SLC44A5: variants seen among roughly 807,000 people sequenced by gnomAD.
The protein encoded by SLC44A5 is choline transporter-like protein 5.
In SLC44A5, 57 loss-of-function variants were observed where a neutral mutation model predicts 101.8. The ratio of observed to expected loss-of-function variants is 0.56; its 90% confidence interval spans 0.45 to 0.70. SLC44A5 has a LOEUF of 0.70. Ranked by LOEUF, SLC44A5 falls within the 30% of genes least tolerant of loss-of-function variation. The pLI is 0.00. For synonymous variants in SLC44A5, 281 were observed against 290.9 expected (o/e 0.97, Z 0.35); for missense variants, 737 against 853.1 (o/e 0.86, Z 1.70).
At chr1:75,547,513 T>C (rs1435517906) in intron 1 of SLC44A5, among the ~76,000 whole-genome samples, 1 of 152,092 alleles carries the variant, frequency 6.6e-6, no homozygotes, top group East Asian at 1.9e-4. Context: ...TACCAAGAGG[T>C]GTAAGTGGTC....
chr1:75,230,101 A>C (rs1250221514), intron 12 of SLC44A5, among the ~76,000 whole-genome samples: 2 of 152,160 alleles, frequency 1.3e-5, no homozygotes, highest in Non-Finnish European at 2.9e-5. Flanking sequence ...TTTGCTGTTT[A>C]GCTTATCAAT....
At chr1:75,504,434 T>A (rs917967668) in intron 2 of SLC44A5, among the ~76,000 whole-genome samples, 3 of 152,108 alleles carry the variant, frequency 2.0e-5, no homozygotes, top group Non-Finnish European at 4.4e-5. Flanking sequence ...CATATAATGA[T>A]GTGTATATTT....
intron 2 of SLC44A5, among the ~76,000 whole-genome samples, chr1:75,442,907 T>A (rs1665290739): frequency 6.6e-6 from 1 of 152,192 alleles, no homozygotes; most frequent in African/African-American, 2.4e-5. Flanking sequence ...AGGATAATTT[T>A]AAACTCCATA....
chr1:75,520,601 G>C (rs1670063864), intron 2 of SLC44A5, among the ~76,000 whole-genome samples: 1 of 151,986 alleles, frequency 6.6e-6, no homozygotes, highest in Non-Finnish European at 1.5e-5. Context: ...TAAGAAGGGA[G>C]GAAAGGAGGG....
At chr1:75,704,219 A>AT in the SLC44A5 span, among the ~76,000 whole-genome samples, 1 of 152,230 alleles carries the variant, frequency 6.6e-6, no homozygotes, top group Non-Finnish European at 1.5e-5. Flanking sequence ...GGTATAAGGT[A>AT]TAAAAATCAG....
intron 2 of SLC44A5, among the ~76,000 whole-genome samples, chr1:75,512,295 A>G (rs1669608148): frequency 6.6e-6 from 1 of 152,212 alleles, no homozygotes; most frequent in Non-Finnish European, 1.5e-5. Flanking sequence ...TTCATGTAAT[A>G]TTAAAAGAAT....
At chr1:75,484,888 T>A (rs1455524302) in intron 2 of SLC44A5, among the ~76,000 whole-genome samples, 1 of 152,240 alleles carries the variant, frequency 6.6e-6, no homozygotes, top group Non-Finnish European at 1.5e-5. Context: ...AGCTGTTCCT[T>A]GGCCCCTTTT....
chr1:75,534,501 A>C (rs1019935545), intron 2 of SLC44A5, among the ~76,000 whole-genome samples: 2 of 152,258 alleles, frequency 1.3e-5, no homozygotes, highest in African/African-American at 4.8e-5. Context: ...CATTAATATA[A>C]TGCTGAAATG....
chr1:75,626,792 T>C, the SLC44A5 span, among the ~76,000 whole-genome samples: 1 of 152,176 alleles, frequency 6.6e-6, no homozygotes, highest in Non-Finnish European at 1.5e-5. Flanking sequence ...CATCTTCACA[T>C]TGATGCCTTG....
chr1:75,435,257 A>G (rs1347592471), intron 2 of SLC44A5, among the ~76,000 whole-genome samples: 1 of 152,174 alleles, frequency 6.6e-6, no homozygotes. Flanking sequence ...GTTAACTGAA[A>G]TATATATGTC....
chr1:75,552,114 TTC>T (rs1671968331), intron 1 of SLC44A5, among the ~76,000 whole-genome samples: 1 of 152,144 alleles, frequency 6.6e-6, no homozygotes, highest in East Asian at 1.9e-4. Context: ...ATCGTATATA[TTC>T]TGAGGAATAA....
At chr1:75,392,149 C>T (rs1282167958) in intron 3 of SLC44A5, among the ~76,000 whole-genome samples, 1 of 144,110 alleles carries the variant, frequency 6.9e-6, no homozygotes, top group Non-Finnish European at 1.5e-5. Context: ...GAACCTGTCT[C>T]AAAAAAAAAA....
chr1:75,410,507 A>G (rs1249794), intron 2 of SLC44A5, among the ~76,000 whole-genome samples: 53,063 of 151,986 alleles, frequency 0.35, 9,474 homozygotes, highest in Middle Eastern at 0.41. Context: ...AAATAAACCC[A>G]TGTTTCTAGG....
chr1:75,334,868 G>A (rs965309056), intron 4 of SLC44A5, among the ~76,000 whole-genome samples: 1 of 152,136 alleles, frequency 6.6e-6, no homozygotes, highest in African/African-American at 2.4e-5. Flanking sequence ...ATCACCCCTG[G>A]AGTGAATTGC....
At chr1:75,662,682 T>C in the SLC44A5 span, among the ~76,000 whole-genome samples, 1 of 83,256 alleles carries the variant, frequency 1.2e-5, no homozygotes, top group Non-Finnish European at 2.5e-5. Flanking sequence ...ATGTATGTAA[T>C]ACCCATCCAG....
the SLC44A5 span, among the ~76,000 whole-genome samples, chr1:75,662,756 A>T: frequency 5.3e-5 from 8 of 152,122 alleles, no homozygotes; most frequent in African/African-American, 1.7e-4. Context: ...CCAGTTAATA[A>T]TGATGTGTTT....
Position 75,219,811 on chromosome 1 carries a change from G to A in SLC44A5, c.1167C>T (p.Val389=), listed in dbSNP as rs762405815. 2 of 1,611,212 alleles carry A rather than the reference G, an allele frequency of 1.2e-6. No individual in the cohort carries two copies. The highest frequency in any genetic ancestry group is 1.3e-5 in the African/African-American group (1 of 74,812). The change falls in exon 15 of 24, where the codon GTC becomes GTT. Residue 389 remains valine, a synonymous_variant. Coordinates refer to ENST00000370859, the MANE Select transcript of SLC44A5 (RefSeq NM_001130058.2). ...ILLSICICYW[V]VTAVFLATSG... Reference sequence around the variant, plus strand: ...TTACCAAAGGATACACTGCTGTCACGACCCAGTAGCAAATGCAGATTGAGA... The same window carrying A: ...TTACCAAAGGATACACTGCTGTCACAACCCAGTAGCAAATGCAGATTGAGA...
At position 75,560,495 on chromosome 1, in the gene SLC44A5, T is replaced by TA. The variant is rs1421070457; in HGVS notation, c.-69-18980dup. On this transcript the variant is annotated intron_variant, in intron 1 of 23. Transcript: ENST00000370859. ...TTCTTTTAGGGGAGACAAAATCTTC[T>TA]AAAATTATATTCTGGTGATAGTTGC... Among the ~76,000 whole-genome samples, 4 of 152,316 alleles carry TA rather than the reference T, an allele frequency of 2.6e-5. No individual in the cohort carries two copies. The South Asian group carries it at 8.3e-4, about 32-fold the overall frequency.
the SLC44A5 span, among the ~76,000 whole-genome samples, chr1:75,649,672 T>C: frequency 6.6e-6 from 1 of 152,174 alleles, no homozygotes; most frequent in South Asian, 2.1e-4. Flanking sequence ...AGAATCAGGA[T>C]CTATGTCTTC....
Sources: allele counts gnomAD v4.1 joint callset (sites outside exome capture counted in the v4.1 genomes callset), GRCh38; gene constraint gnomAD v4.1.1; transcripts MANE v1.5; gene names NCBI Gene and HGNC (gene_info 2026-07-23, HGNC 2026-07-21).